ANO5: variants seen among roughly 807,000 people sequenced by gnomAD.
The protein encoded by ANO5 is anoctamin 5.
ANO5 carries 109 observed loss-of-function variants against 121.0 expected under a neutral mutation model. The observed-to-expected ratio is 0.90, with a 90% CI of 0.77 to 1.06. ANO5 has a LOEUF of 1.06. ANO5 is among the 50% of genes least tolerant of loss of function. The pLI is 0.00. For missense variants in ANO5, 1,064 were observed against 1,078.5 expected (o/e 0.99, Z 0.19); for synonymous variants, 406 against 359.9 (o/e 1.13, Z -1.45).
In ANO5 at chr11:22,259,577, C is replaced by T; in HGVS notation, c.1466C>T (p.Ala489Val). 6.2e-7 allele frequency: 1 copy of T among 1,614,132 alleles called. No homozygotes were observed. The highest frequency in any genetic ancestry group is 1.3e-5 in the African/African-American group (1 of 75,050). ...ATTGTGTACCGCCTGTCAGTCTTTGCTACATTTGCTAGTTTCATGGAAAGT... is the reference window on the plus strand; with the variant it reads ...ATTGTGTACCGCCTGTCAGTCTTTGTTACATTTGCTAGTTTCATGGAAAGT... ...AVIVYRLSVFATFASFMESDA... is the reference protein window; with the variant it reads ...AVIVYRLSVFVTFASFMESDA... Residue 489 changes from alanine to valine, a missense_variant, in exon 15 of 22, where the codon GCT (alanine) becomes GTT (valine). Transcript: ENST00000324559.
intron 21 of ANO5, 83 bp downstream of exon 21, chr11:22,276,282 T>G (rs1854846238): frequency 9.0e-7 from 1 of 1,111,368 alleles, no homozygotes; most frequent in Non-Finnish European, 1.4e-6. Context: ...CATCAGAAAG[T>G]TAGCAATATC....
chr11:22,225,100 T>C (rs1852779810), intron 5 of ANO5, among the ~76,000 whole-genome samples: 1 of 151,438 alleles, frequency 6.6e-6, no homozygotes, highest in Non-Finnish European at 1.5e-5. Context: ...AAGTTATATA[T>C]GTATATTTTA....
chr11:22,192,912 A>T (rs1851690990), upstream of ANO5: 1 of 918,036 alleles, frequency 1.1e-6, no homozygotes, highest in African/African-American at 1.8e-5. Flanking sequence ...GGACCTGGGG[A>T]CGGCTTGAGC....
intron 12 of ANO5, among the ~76,000 whole-genome samples, chr11:22,254,472 C>T (rs1447145747): frequency 1.3e-5 from 2 of 151,998 alleles, no homozygotes; most frequent in East Asian, 3.9e-4. Flanking sequence ...CTGGAAACAA[C>T]TCAAATGTCT....
intron 9 of ANO5, 121 bp downstream of exon 9, chr11:22,239,805 A>G: frequency 2.7e-6 from 2 of 743,628 alleles, no homozygotes; most frequent in Non-Finnish European, 4.7e-6. Context: ...TCTTGATTTC[A>G]TATCTACACT....
chr11:22,250,124 T>G, intron 9 of ANO5, 113 bp from the exon 10 acceptor site: 1 of 935,206 alleles, frequency 1.1e-6, no homozygotes, highest in Non-Finnish European at 1.6e-6. Context: ...AAATTACATG[T>G]CTAGAAAGCA....
rs141426842 is a variant in ANO5, at chr11:22,219,254, T to C, written c.180+967T>C. 3.9e-5 allele frequency among the ~76,000 whole-genome samples: 6 copies of C among 152,200 alleles called. No individual in the cohort carries two copies. In the East Asian group the frequency reaches 1.2e-3, roughly 30 times the overall value. ...TGTTTTCCTAGCTAGCCTTTGGCTT[T>C]CAGAAGGACAGTATGTATACCTATT... On this transcript the variant is annotated intron_variant, in intron 4 of 21. Transcript: ENST00000324559.
intron 15 of ANO5, among the ~76,000 whole-genome samples, chr11:22,261,794 A>G (rs1854196310): frequency 6.6e-6 from 1 of 152,300 alleles, no homozygotes; most frequent in South Asian, 2.1e-4. Context: ...GGGAATTACA[A>G]TTTGACATGA....
At chr11:22,243,444 A>G (rs1853501903) in intron 9 of ANO5, among the ~76,000 whole-genome samples, 1 of 152,078 alleles carries the variant, frequency 6.6e-6, no homozygotes, top group Non-Finnish European at 1.5e-5. Context: ...CGAGTTATGG[A>G]GAAGCCTTTC....
In ANO5 at chr11:22,279,890, TA is replaced by T; in HGVS notation, c.*128del. On this transcript the variant is annotated 3_prime_UTR_variant, in exon 22 of 22. Coordinates refer to ENST00000324559, the MANE Select transcript of ANO5 (RefSeq NM_213599.3). ...TTTTTTTTTTTTTTCTTTTTTTTTT[TA>T]AACTCAAAGTTTTTATACACTTTTA... The T allele has an allele frequency of 5.9e-6, 5 of 846,894 alleles. No homozygotes were observed. In the South Asian group the frequency reaches 6.7e-5, roughly 11 times the overall value. 52.5% of individuals were successfully genotyped at this position (846,894 alleles called of 1,614,324 possible).
At chr11:22,214,099 C>T (rs544461563) in intron 3 of ANO5, among the ~76,000 whole-genome samples, 1 of 151,910 alleles carries the variant, frequency 6.6e-6, no homozygotes, top group East Asian at 1.9e-4. Context: ...GAAATTGGGT[C>T]TCACTGTGTT....
intron 3 of ANO5, among the ~76,000 whole-genome samples, chr11:22,213,065 G>C (rs542243375): frequency 6.6e-6 from 1 of 151,072 alleles, no homozygotes; most frequent in East Asian, 1.9e-4. Context: ...TTTTAATATA[G>C]TTTTAGATTT....
chr11:22,257,840 G>A (rs1854055365), intron 14 of ANO5, 86 bp downstream of exon 14: 1 of 1,153,722 alleles, frequency 8.7e-7, no homozygotes, highest in South Asian at 1.3e-5. Context: ...AATGTCTCTT[G>A]AGTCTTTCCT....
intron 9 of ANO5, among the ~76,000 whole-genome samples, chr11:22,241,923 T>C (rs1853446243): frequency 6.6e-6 from 1 of 152,108 alleles, no homozygotes; most frequent in Non-Finnish European, 1.5e-5. Context: ...TTTTTGATGT[T>C]GCAATTGCTT....
intron 9 of ANO5, among the ~76,000 whole-genome samples, chr11:22,240,009 CT>C (rs1036121567): frequency 6.6e-6 from 1 of 152,010 alleles, no homozygotes; most frequent in Non-Finnish European, 1.5e-5. Context: ...AATATTACTA[CT>C]TTTTAGCACA....
intron 12 of ANO5, among the ~76,000 whole-genome samples, chr11:22,255,123 GA>G (rs947626958): frequency 3.8e-4 from 58 of 152,046 alleles, no homozygotes; most frequent in African/African-American, 1.4e-3. Flanking sequence ...TAATATGTCT[GA>G]AAAAAATTCT....
intron 18 of ANO5, among the ~76,000 whole-genome samples, chr11:22,272,556 A>G (rs1467690277): frequency 4.6e-5 from 7 of 152,182 alleles, no homozygotes; most frequent in African/African-American, 1.7e-4. Flanking sequence ...AAGGAAGAGC[A>G]AAGAAAGAAC....
In ANO5 at chr11:22,193,152, A is replaced by T; in HGVS notation, c.-341A>T. ...GATCAGCTGCCGAGCAGGCACAGGG[A>T]CAGGTGCCTGGAGAAGTACTGGGAG... On this transcript the variant is annotated 5_prime_UTR_variant, in exon 1 of 22. Transcript: ENST00000324559. 2.6e-6 allele frequency: 3 copies of T among 1,162,814 alleles called. No individual in the cohort carries two copies. The highest frequency in any genetic ancestry group is 3.2e-6 in the Non-Finnish European group (3 of 933,124). 72.0% of individuals were successfully genotyped at this position (1,162,814 alleles called of 1,614,324 possible). A position where few individuals can be genotyped will look rare whatever the true frequency, so the allele number is the denominator to read the frequency against.
At position 22,211,266 on chromosome 11, in the gene ANO5, G is replaced by A. The variant is rs1564914185; in HGVS notation, c.90G>A (p.Gln30=). ...ATATCTTCCCCTGGTACTGTTAGCA[G>A]AGCCTGAGCAGCAGAGAGACCAGCT... is the stretch of plus-strand genomic sequence containing the variant. ...HIDYSFQMSE[Q]SLSSRETSFL... is the part of the protein sequence containing the mutation. The change falls in exon 3 of 22, where the codon CAG becomes CAA. Residue 30 remains glutamine, a splice_region_variant and synonymous_variant. Transcript: ENST00000324559. 1 of 1,612,050 alleles carries A rather than the reference G, an allele frequency of 6.2e-7. No individual in the cohort carries two copies. The highest frequency in any genetic ancestry group is 8.5e-7 in the Non-Finnish European group (1 of 1,178,574).
Sources: allele counts gnomAD v4.1 joint callset (sites outside exome capture counted in the v4.1 genomes callset), GRCh38; gene constraint gnomAD v4.1.1; transcripts MANE v1.5; gene names NCBI Gene and HGNC (gene_info 2026-07-23, HGNC 2026-07-21).